UTP11: variants seen among roughly 807,000 people sequenced by gnomAD.
The protein encoded by UTP11 is UTP11 small subunit processome component.
Under a neutral mutation model 39.0 loss-of-function variants are expected in UTP11, and 29 were observed. The observed-to-expected ratio is 0.74, with a 90% CI of 0.55 to 1.01. The LOEUF is 1.01. Among genes scored for constraint, UTP11 ranks in the 50% least tolerant of loss-of-function variants. The probability of loss-of-function intolerance (pLI) is 0.00; values close to 1 mark genes in which losing one functional copy is unlikely to be tolerated. For synonymous variants in UTP11, 111 were observed against 105.0 expected (o/e 1.06, Z -0.35); for missense variants, 281 against 306.0 (o/e 0.92, Z 0.61).
At position 38,023,645 on chromosome 1, in the gene UTP11, C is replaced by T; in HGVS notation, c.*17C>T. The T allele has an allele frequency of 6.3e-7, 1 of 1,589,142 alleles. No homozygotes were observed. Among genetic ancestry groups the T allele is most frequent in the Non-Finnish European group, 8.6e-7 (1 of 1,169,290 alleles). ...AAACGTTGACGTGTTATAGATAAGC[C>T]TTGTCATTCTGTATCAAAAATCTGT... On this transcript the variant is annotated 3_prime_UTR_variant, in exon 8 of 8. Coordinates refer to ENST00000373014, the MANE Select transcript of UTP11 (RefSeq NM_016037.4).
chr1:38,023,066 A>G (rs1334203140), intron 7 of UTP11, among the ~76,000 whole-genome samples: 3 of 152,214 alleles, frequency 2.0e-5, no homozygotes, highest in African/African-American at 7.2e-5. Context: ...TATGAACTTT[A>G]TAGCTTATGA....
intron 2 of UTP11, 73 bp downstream of exon 2, chr1:38,016,493 T>A: frequency 6.7e-7 from 1 of 1,488,166 alleles, no homozygotes; most frequent in South Asian, 1.1e-5. Context: ...CTGAATTGCC[T>A]GAGTGTCCAA....
chr1:38,018,668 A>G (rs1394121484), intron 4 of UTP11, 91 bp downstream of exon 4: 4 of 980,562 alleles, frequency 4.1e-6, no homozygotes, highest in Non-Finnish European at 4.7e-6. Context: ...TTCTTCTGGC[A>G]TTTACAATCT....
At chr1:38,022,436 G>A (rs1414532642) in intron 6 of UTP11, among the ~76,000 whole-genome samples, 7 of 151,906 alleles carry the variant, frequency 4.6e-5, no homozygotes, top group African/African-American at 1.7e-4. Context: ...GGAACTCCTG[G>A]GCTCAAGTGA....
chr1:38,016,225 G>C, intron 1 of UTP11, 134 bp from the exon 2 acceptor site: 1 of 862,348 alleles, frequency 1.2e-6, no homozygotes, highest in Non-Finnish European at 1.9e-6. Context: ...GGAGGGAACA[G>C]GGTCATGGGT....
chr1:38,018,527 A>G lies in UTP11; in HGVS notation c.292A>G (p.Arg98Gly). 1 of 1,614,014 alleles carries G rather than the reference A, an allele frequency of 6.2e-7. No homozygotes were observed. The change falls in exon 4 of 8, where the codon AGA becomes GGA. Residue 98 changes from arginine to glycine, a missense_variant. Physicochemically the swap from Arg to Gly is moderately radical, Grantham distance 125. Coordinates refer to ENST00000373014, the MANE Select transcript of UTP11 (RefSeq NM_016037.4). ...AACCCCAGAACAACTAAAGCTGATG[A>G]GAACTCAGGACGTCAAATATATAGA... ...EVTPEQLKLM[R>G]TQDVKYIEMK...
chr1:38,017,518 C>A, intron 2 of UTP11, 150 bp from the exon 3 acceptor site: 2 of 574,852 alleles, frequency 3.5e-6, no homozygotes. Flanking sequence ...AGTGGAGTGT[C>A]CAGATCCAGT....
At chr1:38,013,519 T>G (rs1646689773) in intron 1 of UTP11, among the ~76,000 whole-genome samples, 1 of 152,044 alleles carries the variant, frequency 6.6e-6, no homozygotes, top group South Asian at 2.1e-4. Flanking sequence ...AGAAATAAGC[T>G]TATATGCAGA....
At chr1:38,020,526 G>A (rs888527975) in intron 6 of UTP11, among the ~76,000 whole-genome samples, 8 of 151,988 alleles carry the variant, frequency 5.3e-5, no homozygotes, top group East Asian at 1.9e-4. Context: ...TTCTGGAGTT[G>A]AACTCTTCTG....
intron 1 of UTP11, among the ~76,000 whole-genome samples, chr1:38,013,712 T>C (rs1201221993): frequency 6.6e-6 from 1 of 150,862 alleles, no homozygotes; most frequent in Non-Finnish European, 1.5e-5. Context: ...CTTAATAGCA[T>C]ATATCAAACT....
chr1:38,014,580 C>T (rs1646696858), intron 1 of UTP11, among the ~76,000 whole-genome samples: 1 of 152,190 alleles, frequency 6.6e-6, no homozygotes, highest in Admixed American at 6.5e-5. Flanking sequence ...GCTTTCTCTA[C>T]TCTGTTAACC....
chr1:38,019,406 A>T (rs1446591502), intron 6 of UTP11, 23 bp downstream of exon 6: 11 of 1,591,182 alleles, frequency 6.9e-6, no homozygotes, highest in Non-Finnish European at 8.6e-6. Flanking sequence ...GTTGTTCTTC[A>T]CATGTGAGCT....
Position 38,022,748 on chromosome 1 carries a change from T to C in UTP11, c.617T>C (p.Ile206Thr), listed in dbSNP as rs1348956587. The C allele has an allele frequency of 1.9e-6, 3 of 1,613,924 alleles. No individual in the cohort carries two copies. The highest frequency in any genetic ancestry group is 2.2e-5 in the East Asian group (1 of 44,898). ...QKQYNCLTQR[I>T]EREKKLFVIA... Reference sequence around the variant, plus strand: ...CAGTATAACTGCCTGACACAGCGGATTGAACGAGAGAAGAAATTGTTCGTT... The same window carrying C: ...CAGTATAACTGCCTGACACAGCGGACTGAACGAGAGAAGAAATTGTTCGTT... Residue 206 changes from isoleucine to threonine, a missense_variant, in exon 7 of 8, where the codon ATT becomes ACT. Ile to Thr is a moderately conservative substitution (Grantham distance 89, BLOSUM62 -1). Transcript: ENST00000373014.
At chr1:38,016,256 A>C in intron 1 of UTP11, 103 bp from the exon 2 acceptor site, 1 of 1,175,932 alleles carries the variant, frequency 8.5e-7, no homozygotes, top group Non-Finnish European at 1.3e-6. Context: ...GACTGGATTT[A>C]CTGAGCACTC....
At chr1:38,014,920 A>C (rs1228563784) in intron 1 of UTP11, among the ~76,000 whole-genome samples, 1 of 152,174 alleles carries the variant, frequency 6.6e-6, no homozygotes, top group Non-Finnish European at 1.5e-5. Context: ...CTAGGATTGC[A>C]AGTGTGAGCC....
chr1:38,014,038 T>C (rs1646693304), intron 1 of UTP11, among the ~76,000 whole-genome samples: 1 of 152,240 alleles, frequency 6.6e-6, no homozygotes, highest in South Asian at 2.1e-4. Context: ...TTTGAGCACT[T>C]ACTATATGCT....
At chr1:38,018,359 C>A in intron 3 of UTP11, 105 bp from the exon 4 acceptor site, 1 of 725,280 alleles carries the variant, frequency 1.4e-6, no homozygotes, top group Non-Finnish European at 2.3e-6. Flanking sequence ...GTGTGAGTGA[C>A]CGCACTTGGC....
At chr1:38,017,315 T>C (rs1370546152) in intron 2 of UTP11, 1 of 172,428 alleles carries the variant, frequency 5.8e-6, no homozygotes, top group Admixed American at 6.1e-5. Flanking sequence ...GAATTACATA[T>C]GGTCATTTGG....
chr1:38,020,394 A>G (rs1041460301), intron 6 of UTP11, among the ~76,000 whole-genome samples: 3 of 152,110 alleles, frequency 2.0e-5, no homozygotes, highest in African/African-American at 7.2e-5. Context: ...GTGAGCCACC[A>G]TGCCTGCCCA....
Sources: allele counts gnomAD v4.1 joint callset (sites outside exome capture counted in the v4.1 genomes callset), GRCh38; gene constraint gnomAD v4.1.1; transcripts MANE v1.5; gene names NCBI Gene and HGNC (gene_info 2026-07-23, HGNC 2026-07-21).